The following RPS6KC1 variants were observed in gnomAD, a reference collection of about 807,000 sequenced individuals.
RPS6KC1 encodes inactive ribosomal protein S6 kinase delta-1.
Under a neutral mutation model 103.8 loss-of-function variants are expected in RPS6KC1, and 54 were observed. The observed-to-expected ratio is 0.52, with a 90% CI of 0.42 to 0.65. RPS6KC1 has a LOEUF of 0.65. Ranked by LOEUF, RPS6KC1 falls within the 30% of genes least tolerant of loss-of-function variation. The pLI, the probability that RPS6KC1 is intolerant of heterozygous loss-of-function variation, is 0.00. For missense variants in RPS6KC1, 1,151 were observed against 1,253.8 expected (o/e 0.92, Z 1.24); for synonymous variants, 439 against 438.7 (o/e 1.00, Z -0.01).
the RPS6KC1 span, among the ~76,000 whole-genome samples, chr1:213,760,584 C>T: frequency 6.6e-6 from 1 of 151,996 alleles, no homozygotes; most frequent in Non-Finnish European, 1.5e-5. Context: ...TTCTGTCTAC[C>T]TACACAATTC....
the RPS6KC1 span, among the ~76,000 whole-genome samples, chr1:213,411,810 G>C: frequency 6.6e-6 from 1 of 152,154 alleles, no homozygotes. Context: ...GGGCACAGCT[G>C]GGGGCAGTGC....
intron 4 of RPS6KC1, among the ~76,000 whole-genome samples, chr1:213,110,707 C>T (rs1558336381): frequency 6.6e-6 from 1 of 152,182 alleles, no homozygotes; most frequent in African/African-American, 2.4e-5. Flanking sequence ...TGAATTTCCT[C>T]TGTGCCTGTG....
the RPS6KC1 span, among the ~76,000 whole-genome samples, chr1:213,301,366 G>A: frequency 1.4e-4 from 21 of 152,158 alleles, no homozygotes; most frequent in African/African-American, 2.6e-4. Context: ...GTGAAATTTC[G>A]CTGTAAATTA....
the RPS6KC1 span, among the ~76,000 whole-genome samples, chr1:213,654,172 T>TTATGTTGCTCTCAAATATATTTC: frequency 6.6e-6 from 1 of 152,238 alleles, no homozygotes; most frequent in Non-Finnish European, 1.5e-5. Context: ...TTTTTCTCTT[T>TTATGTTGCTCTCAAATATATTTC]TATGTTGCTC....
intron 7 of RPS6KC1, among the ~76,000 whole-genome samples, chr1:213,175,571 A>G (rs576012744): frequency 3.3e-5 from 5 of 152,214 alleles, no homozygotes; most frequent in Non-Finnish European, 7.4e-5. Context: ...CTTAGAATTT[A>G]TCTAATTTAA....
At chr1:213,455,481 T>C in the RPS6KC1 span, among the ~76,000 whole-genome samples, 4 of 152,230 alleles carry the variant, frequency 2.6e-5, no homozygotes, top group Non-Finnish European at 4.4e-5. Flanking sequence ...TACTGAGTTC[T>C]GTCTGGACAA....
At chr1:213,291,737 G>A in the RPS6KC1 span, among the ~76,000 whole-genome samples, 7 of 152,036 alleles carry the variant, frequency 4.6e-5, no homozygotes, top group Non-Finnish European at 7.4e-5. Flanking sequence ...TATTCCTTGG[G>A]GCAGAATCCT....
the RPS6KC1 span, among the ~76,000 whole-genome samples, chr1:213,442,955 A>G: frequency 4.0e-4 from 58 of 146,476 alleles, 1 homozygote; most frequent in Non-Finnish European, 3.9e-4. Flanking sequence ...CTCCTTTCTC[A>G]GGGTTTTTTT....
the RPS6KC1 span, among the ~76,000 whole-genome samples, chr1:213,333,877 T>C: frequency 6.6e-6 from 1 of 152,294 alleles, no homozygotes; most frequent in Middle Eastern, 3.4e-3. Flanking sequence ...AGAAGGGCTT[T>C]CACAATGTTG....
the RPS6KC1 span, among the ~76,000 whole-genome samples, chr1:213,855,543 T>G: frequency 6.6e-6 from 1 of 152,218 alleles, no homozygotes; most frequent in Admixed American, 6.5e-5. Context: ...GCATCTGTCC[T>G]TGGGTGCCTT....
At chr1:213,727,915 A>G in the RPS6KC1 span, among the ~76,000 whole-genome samples, 43,006 of 152,056 alleles carry the variant, frequency 0.28, 6,913 homozygotes, top group African/African-American at 0.42. Context: ...ATTGTTTTCC[A>G]ACTGCAGGCG....
At chr1:213,393,673 A>C in the RPS6KC1 span, among the ~76,000 whole-genome samples, 1 of 152,192 alleles carries the variant, frequency 6.6e-6, no homozygotes, top group African/African-American at 2.4e-5. Flanking sequence ...TCATATCTGC[A>C]GAAAGTCCTT....
the RPS6KC1 span, among the ~76,000 whole-genome samples, chr1:213,531,583 C>G: frequency 5.5e-3 from 836 of 152,286 alleles, 10 homozygotes; most frequent in African/African-American, 0.019. Context: ...TGACTGGGAG[C>G]TAATCTCTTG....
the RPS6KC1 span, among the ~76,000 whole-genome samples, chr1:213,451,804 C>T: frequency 0.032 from 4,928 of 152,306 alleles, 254 homozygotes; most frequent in African/African-American, 0.11. Flanking sequence ...AGGCCTGGAA[C>T]TGCCTTGAAG....
chr1:213,808,924 T>G, the RPS6KC1 span, among the ~76,000 whole-genome samples: 1 of 152,220 alleles, frequency 6.6e-6, no homozygotes, highest in Non-Finnish European at 1.5e-5. Flanking sequence ...CCATCTTGGC[T>G]CCTCCTGGTG....
intron 1 of RPS6KC1, among the ~76,000 whole-genome samples, chr1:213,051,911 T>C (rs2148228728): frequency 6.6e-6 from 1 of 152,352 alleles, no homozygotes; most frequent in Non-Finnish European, 1.5e-5. Context: ...TATAAGTTGT[T>C]TTTTCTCTTG....
chr1:213,645,673 T>C, the RPS6KC1 span, among the ~76,000 whole-genome samples: 1 of 152,110 alleles, frequency 6.6e-6, no homozygotes, highest in Non-Finnish European at 1.5e-5. Flanking sequence ...TTCATGGCAA[T>C]AGCTCCGTTT....
the RPS6KC1 span, among the ~76,000 whole-genome samples, chr1:213,511,366 C>G: frequency 8.7e-4 from 132 of 152,292 alleles, no homozygotes; most frequent in Middle Eastern, 3.4e-3. Flanking sequence ...GCTGGCCATC[C>G]AGCAGCATTG....
chr1:213,217,060 T>A (rs1385771715), intron 8 of RPS6KC1, among the ~76,000 whole-genome samples: 1 of 151,350 alleles, frequency 6.6e-6, no homozygotes, highest in African/African-American at 2.5e-5. Context: ...AAAAAACCCT[T>A]CAAAACATCA....
Sources: gnomAD v4.1 joint callset for allele counts (sites outside exome capture counted in the v4.1 genomes callset) on GRCh38, gnomAD v4.1.1 for gene constraint, MANE v1.5 for transcripts, NCBI Gene and HGNC (gene_info 2026-07-23, HGNC 2026-07-21) for gene names.